Variants in SORCS2 observed in about 807,000 individuals in gnomAD.
SORCS2 encodes sortilin related VPS10 domain containing receptor 2.
A neutral mutation model predicts 141.6 loss-of-function variants in SORCS2; 100 were observed. That is an observed-to-expected ratio of 0.71 (90% CI 0.60 to 0.83). SORCS2 has a LOEUF of 0.83. Ranked by LOEUF, SORCS2 falls within the 40% of genes least tolerant of loss-of-function variation. The pLI is 0.00. For synonymous variants in SORCS2, 789 were observed against 676.9 expected, an observed-to-expected ratio of 1.17 and a Z score of -2.57; for missense variants, 1,646 against 1,560.2, an observed-to-expected ratio of 1.05 and a Z score of -0.93.
intron 2 of SORCS2, among the ~76,000 whole-genome samples, chr4:7,425,656 G>A (rs955931958): frequency 3.9e-5 from 6 of 152,184 alleles, no homozygotes; most frequent in South Asian, 2.1e-4. Flanking sequence ...ATTTTACAGC[G>A]GGAAATTCAA....
chr4:7,701,728 T>C (rs1182035654), intron 12 of SORCS2, among the ~76,000 whole-genome samples: 1 of 152,134 alleles, frequency 6.6e-6, no homozygotes, highest in Non-Finnish European at 1.5e-5. Context: ...TCAGTCCATG[T>C]CCTCCCCAGG....
chr4:7,684,445 T>A (rs1375073308), intron 10 of SORCS2, among the ~76,000 whole-genome samples: 1 of 152,112 alleles, frequency 6.6e-6, no homozygotes, highest in African/African-American at 2.4e-5. Context: ...TCCCTTTTCC[T>A]CATCCAGCAA....
At chr4:7,600,671 A>G (rs1051515348) in intron 3 of SORCS2, among the ~76,000 whole-genome samples, 9 of 148,982 alleles carry the variant, frequency 6.0e-5, no homozygotes, top group Admixed American at 1.3e-4. Context: ...ACACACACAC[A>G]CACACACACA....
chr4:7,711,233 C>T lies in SORCS2; in HGVS notation c.1869-1500C>T, dbSNP rs193072955. On this transcript the variant is annotated intron_variant, in intron 14 of 26. Transcript: ENST00000507866. ...TCACAGATGTAATTCAAGCATGGAC[C>T]GCCGCAGGCTTGCCTGGCTGAGAGG... is the stretch of plus-strand genomic sequence containing the variant. Among the ~76,000 whole-genome samples the T allele has an allele frequency of 4.1e-4, 63 of 152,316 alleles. 1 individual carries two copies. In the East Asian group the frequency reaches 7.3e-3, roughly 18 times the overall value.
intron 3 of SORCS2, among the ~76,000 whole-genome samples, chr4:7,623,671 C>T (rs937450477): frequency 3.9e-5 from 6 of 152,194 alleles, no homozygotes; most frequent in Non-Finnish European, 5.9e-5. Flanking sequence ...GGATTGGTCA[C>T]CTGGGCACCT....
chr4:7,486,560 C>T (rs1339303845), intron 2 of SORCS2, among the ~76,000 whole-genome samples: 3 of 152,222 alleles, frequency 2.0e-5, no homozygotes, highest in Non-Finnish European at 4.4e-5. Flanking sequence ...AATGTGGAGC[C>T]TGCGGTAGCT....
intron 4 of SORCS2, among the ~76,000 whole-genome samples, chr4:7,639,910 GGT>G (rs56651444): frequency 0.012 from 1,488 of 126,494 alleles, 15 homozygotes; most frequent in Admixed American, 0.025. Flanking sequence ...TGTGTTTGTG[GGT>G]GTGTGTGTGT....
At chr4:7,348,744 G>A (rs1443016063) in intron 1 of SORCS2, among the ~76,000 whole-genome samples, 1 of 152,088 alleles carries the variant, frequency 6.6e-6, no homozygotes, top group African/African-American at 2.4e-5. Context: ...GTAGAGATGG[G>A]GTTTCACCAT....
At chr4:7,583,200 T>C (rs1308517279) in intron 3 of SORCS2, among the ~76,000 whole-genome samples, 1 of 152,146 alleles carries the variant, frequency 6.6e-6, no homozygotes, top group African/African-American at 2.4e-5. Flanking sequence ...TTCAGGTGCC[T>C]TCTAGTGCCT....
intron 3 of SORCS2, among the ~76,000 whole-genome samples, chr4:7,545,739 G>T (rs553964686): frequency 2.0e-5 from 3 of 152,220 alleles, no homozygotes; most frequent in Non-Finnish European, 4.4e-5. Context: ...GCACCTGCCT[G>T]CCTTTCTGTG....
At chr4:7,256,746 A>G (rs1713906583) in intron 1 of SORCS2, among the ~76,000 whole-genome samples, 1 of 131,914 alleles carries the variant, frequency 7.6e-6, no homozygotes, top group Non-Finnish European at 1.6e-5. Flanking sequence ...GGGGGTTGGG[A>G]CTATGGGGGT....
intron 1 of SORCS2, among the ~76,000 whole-genome samples, chr4:7,254,425 G>C (rs1283098855): frequency 6.6e-6 from 1 of 152,234 alleles, no homozygotes; most frequent in Non-Finnish European, 1.5e-5. Flanking sequence ...GGTACAGAGA[G>C]TCAGATATAG....
Position 7,712,803 on chromosome 4 carries a change from A to T in SORCS2, c.1939A>T (p.Arg647Trp), listed in dbSNP as rs746275506. The change falls in exon 15 of 27, where the codon AGG (arginine) becomes TGG (tryptophan). Residue 647 changes from arginine (R) to tryptophan (W), a missense_variant. Arg to Trp is a moderately radical substitution (Grantham distance 101). Coordinates refer to ENST00000507866, the MANE Select transcript of SORCS2 (RefSeq NM_020777.3). ...GGTGGACTTCCGGCCCTCATTCTCC[A>T]GGCAGTGCGGCGAGGAGGACTACAG... is the stretch of plus-strand genomic sequence containing the variant. ...VKVDFRPSFS[R>W]QCGEEDYSSW... 5 of 1,613,936 alleles carry T rather than the reference A, an allele frequency of 3.1e-6. No individual in the cohort carries two copies. Among genetic ancestry groups the T allele is most frequent in the Non-Finnish European group, 4.2e-6 (5 of 1,179,882 alleles).
rs372850825 is a variant in SORCS2, at chr4:7,573,876, C to T, written c.648+42247C>T. 8.3e-4 allele frequency among the ~76,000 whole-genome samples: 126 copies of T among 152,310 alleles called. No individual in the cohort carries two copies. In the South Asian group the frequency reaches 0.017, roughly 21 times the overall value. On this transcript the variant is annotated intron_variant, in intron 3 of 26. Transcript: ENST00000507866. ...GGGTGAATTTCAAGTGGCTGTCCTG[C>T]GCCCACTGCCTCCCTGGCCTCCTCG...
intron 1 of SORCS2, among the ~76,000 whole-genome samples, chr4:7,252,312 G>A (rs1180854433): frequency 1.3e-5 from 2 of 152,170 alleles, no homozygotes; most frequent in African/African-American, 4.8e-5. Context: ...TGGCTGGGAG[G>A]GAGGGCATGC....
At chr4:7,394,923 G>A (rs971419315) in intron 1 of SORCS2, among the ~76,000 whole-genome samples, 2 of 152,148 alleles carry the variant, frequency 1.3e-5, no homozygotes, top group African/African-American at 4.8e-5. Context: ...GCCACTCTAG[G>A]CTGTACAAAA....
At chr4:7,672,741 C>T (rs1722870638) in intron 8 of SORCS2, among the ~76,000 whole-genome samples, 1 of 152,182 alleles carries the variant, frequency 6.6e-6, no homozygotes. Context: ...TCAACAAACC[C>T]CAGACTTTGG....
chr4:7,559,520 C>A (rs1329655948), intron 3 of SORCS2, among the ~76,000 whole-genome samples: 1 of 152,168 alleles, frequency 6.6e-6, no homozygotes, highest in East Asian at 1.9e-4. Flanking sequence ...GCATCAGAGG[C>A]TCTAGGGAGT....
intron 1 of SORCS2, among the ~76,000 whole-genome samples, chr4:7,364,424 C>T (rs537831008): frequency 7.2e-5 from 11 of 152,272 alleles, no homozygotes; most frequent in African/African-American, 2.6e-4. Flanking sequence ...GGGCTGGATC[C>T]AGAGTTCTTG....
Sources: gnomAD v4.1 joint callset for allele counts (sites outside exome capture counted in the v4.1 genomes callset) on GRCh38, gnomAD v4.1.1 for gene constraint, MANE v1.5 for transcripts, NCBI Gene and HGNC (gene_info 2026-07-23, HGNC 2026-07-21) for gene names.